Variants in TTC7B observed in about 807,000 individuals in gnomAD.
TTC7B encodes tetratricopeptide repeat protein 7B.
In TTC7B, 28 loss-of-function variants were observed where a neutral mutation model predicts 106.8. That is an observed-to-expected ratio of 0.26 (90% CI 0.19 to 0.36). The LOEUF is 0.36. Among genes scored for constraint, TTC7B ranks in the 10% least tolerant of loss-of-function variants. TTC7B has a pLI of 1.00. For missense variants in TTC7B, 862 were observed against 1,076.4 expected (o/e 0.80, Z 2.79); for synonymous variants, 405 against 430.6 (o/e 0.94, Z 0.74).
At position 90,658,285 on chromosome 14, in the gene TTC7B, C is replaced by T. The variant is rs1886034984; in HGVS notation, c.1236+19G>A. On this transcript the variant is annotated intron_variant, in intron 10 of 19. Coordinates refer to ENST00000328459, the MANE Select transcript of TTC7B (RefSeq NM_001010854.2). ...AATAGGAAAGGCATAAAAAACTGCC[C>T]ATCACAAAAGGGACTCACTTTTCCA... is the stretch of plus-strand genomic sequence containing the variant. The T allele has an allele frequency of 2.5e-6, 4 of 1,610,876 alleles. No homozygotes were observed. The highest frequency in any genetic ancestry group is 3.4e-6 in the Non-Finnish European group (4 of 1,177,144).
At chr14:90,633,789 T>A (rs570244044) in intron 15 of TTC7B, among the ~76,000 whole-genome samples, 15 of 152,258 alleles carry the variant, frequency 9.9e-5, no homozygotes, top group African/African-American at 3.6e-4. Flanking sequence ...AGGGCTCTTG[T>A]GGCAAATTTA....
rs149047084 is a variant in TTC7B at position 90,652,875 on chromosome 14, C to T, written c.1483G>A (p.Val495Ile). ...GCAAGAAGCGCCTTTCTCTGTAGGA[C>T]CTCCTGCATCCCTCGCAAAGAAGCT... is the stretch of plus-strand genomic sequence containing the variant. ...TDASLRGMQEVLQRKALLAFQ... is the reference protein window; with the variant it reads ...TDASLRGMQEILQRKALLAFQ... Residue 495 changes from valine to isoleucine, a missense_variant, in exon 13 of 20, where the codon GTC becomes ATC. By Grantham distance (29) the Val-to-Ile change is conservative (BLOSUM62 3). Coordinates refer to ENST00000328459, the MANE Select transcript of TTC7B (RefSeq NM_001010854.2). 1.5e-4 allele frequency: 239 copies of T among 1,614,248 alleles called. No individual in the cohort carries two copies. The African/African-American group carries it at 1.8e-3, about 12-fold the overall frequency.
intron 2 of TTC7B, among the ~76,000 whole-genome samples, chr14:90,783,058 C>T (rs570658288): frequency 6.6e-6 from 1 of 152,334 alleles, no homozygotes; most frequent in East Asian, 1.9e-4. Flanking sequence ...CCTCCCTGGG[C>T]GAGTCCAGTC....
At chr14:90,546,181 G>T (rs1381624531) in intron 19 of TTC7B, among the ~76,000 whole-genome samples, 1 of 152,226 alleles carries the variant, frequency 6.6e-6, no homozygotes, top group Non-Finnish European at 1.5e-5. Flanking sequence ...ACAGCTAGAG[G>T]ACTGGCCAGA....
chr14:90,800,765 T>C (rs12880613), intron 1 of TTC7B, among the ~76,000 whole-genome samples: 6,435 of 151,358 alleles, frequency 0.043, 185 homozygotes, highest in Non-Finnish European at 0.06. Context: ...GAGCCAAGAT[T>C]GCGCCACTGC....
intron 1 of TTC7B, 87 bp from the exon 2 acceptor site, chr14:90,786,415 C>G: frequency 6.5e-7 from 1 of 1,532,256 alleles, no homozygotes; most frequent in Non-Finnish European, 8.8e-7. Context: ...GAACCACCAC[C>G]CTCCGAGGCT....
At position 90,587,159 on chromosome 14, in the gene TTC7B, G is replaced by A. The variant is rs578080149; in HGVS notation, c.2107+6327C>T. Among the ~76,000 whole-genome samples, 15 of 152,032 alleles carry A rather than the reference G, an allele frequency of 9.9e-5. No homozygotes were observed. In the South Asian group the frequency reaches 1.5e-3, roughly 15 times the overall value. ...ATTTAGCTGGAGTGATTTTTTTTCCGGAGAGGGGTCTTGCTATGTTGCCCA... is the reference window on the plus strand; with the variant it reads ...ATTTAGCTGGAGTGATTTTTTTTCCAGAGAGGGGTCTTGCTATGTTGCCCA... On this transcript the variant is annotated intron_variant, in intron 18 of 19. Transcript: ENST00000328459.
chr14:90,593,693 C>A, intron 17 of TTC7B, 67 bp from the exon 18 acceptor site: 9 of 1,450,290 alleles, frequency 6.2e-6, no homozygotes, highest in Non-Finnish European at 8.3e-6. Flanking sequence ...CAACCCCTTC[C>A]CACACAGACA....
chr14:90,653,935 A>G (rs1028685909), intron 12 of TTC7B, among the ~76,000 whole-genome samples: 1 of 152,218 alleles, frequency 6.6e-6, no homozygotes, highest in Non-Finnish European at 1.5e-5. Context: ...CTCAAAGTCT[A>G]CTATGTCAAA....
intron 15 of TTC7B, among the ~76,000 whole-genome samples, chr14:90,635,397 GT>G (rs1191802231): frequency 1.3e-5 from 2 of 152,094 alleles, no homozygotes; most frequent in African/African-American, 2.4e-5. Flanking sequence ...ATATAAATAT[GT>G]CAGTATTTAC....
intron 5 of TTC7B, among the ~76,000 whole-genome samples, chr14:90,720,548 C>T (rs1888853959): frequency 6.6e-6 from 1 of 152,140 alleles, no homozygotes; most frequent in Admixed American, 6.5e-5. Flanking sequence ...TGGTGTGTTC[C>T]TGCAGTGTGT....
intron 5 of TTC7B, among the ~76,000 whole-genome samples, chr14:90,701,007 C>T (rs1887961321): frequency 6.6e-6 from 1 of 151,934 alleles, no homozygotes; most frequent in Admixed American, 6.6e-5. Context: ...TACTCTCCTC[C>T]TCATATCCAA....
chr14:90,578,079 G>A lies in TTC7B; in HGVS notation c.2310+27C>T. On this transcript the variant is annotated intron_variant, in intron 19 of 19. Transcript: ENST00000328459. This position sits in a 1 kb window ranked among gnomAD's most constrained non-coding sequence, Gnocchi z 4.7. ...AAGGGCTGTCCCCATGCCAGAGTAG[G>A]GGCCACCGCCGGGCTCGTGGACTCA... 1.3e-6 allele frequency: 2 copies of A among 1,582,958 alleles called. No individual in the cohort carries two copies. The highest frequency in any genetic ancestry group is 1.7e-6 in the Non-Finnish European group (2 of 1,164,234).
Position 90,695,692 on chromosome 14 carries a change from C to T in TTC7B, c.699-114G>A, listed in dbSNP as rs1037440963. ...TAAAAGCTGTTGGCTAGATTTTAAG[C>T]AAACGATTACTCTGCACATGCCTAG... On this transcript the variant is annotated intron_variant, in intron 5 of 19. Coordinates refer to ENST00000328459, the MANE Select transcript of TTC7B (RefSeq NM_001010854.2). 18 of 506,234 alleles carry T rather than the reference C, an allele frequency of 3.6e-5. No individual in the cohort carries two copies. In the Middle Eastern group the frequency reaches 2.5e-3, roughly 70 times the overall value. 31.4% of individuals were successfully genotyped at this position (506,234 alleles called of 1,614,324 possible).
intron 9 of TTC7B, chr14:90,675,355 G>C (rs1886789210): frequency 1.3e-5 from 2 of 152,424 alleles, no homozygotes; most frequent in Non-Finnish European, 2.9e-5. Flanking sequence ...CTTTGTGGTG[G>C]ACACAGCTGA....
At chr14:90,690,335 C>T (rs1341134925) in intron 6 of TTC7B, among the ~76,000 whole-genome samples, 1 of 152,208 alleles carries the variant, frequency 6.6e-6, no homozygotes, top group Non-Finnish European at 1.5e-5. Context: ...GGTTCCCGAT[C>T]AAGAAAGACC....
chr14:90,640,285 A>G (rs1489275549), intron 15 of TTC7B, among the ~76,000 whole-genome samples: 1 of 151,954 alleles, frequency 6.6e-6, no homozygotes, highest in Non-Finnish European at 1.5e-5. Context: ...ACAAAAAAAA[A>G]AGAGAGAGAG....
At chr14:90,585,072 G>A (rs182341700) in intron 18 of TTC7B, among the ~76,000 whole-genome samples, 2 of 152,294 alleles carry the variant, frequency 1.3e-5, no homozygotes, top group South Asian at 2.1e-4. Context: ...TTCAAGTGCC[G>A]TCCTACCCTG....
At chr14:90,603,125 G>T in intron 17 of TTC7B, 2 of 540,980 alleles carry the variant, frequency 3.7e-6, no homozygotes, top group Non-Finnish European at 6.0e-6. Flanking sequence ...TGGGCAGGCA[G>T]GTGGCAGAGG....
Sources: allele counts gnomAD v4.1 joint callset (sites outside exome capture counted in the v4.1 genomes callset), GRCh38; gene constraint gnomAD v4.1.1; non-coding constraint Gnocchi (gnomAD v3.1); transcripts MANE v1.5; gene names NCBI Gene and HGNC (gene_info 2026-07-23, HGNC 2026-07-21).